The following TLE4 variants were observed in gnomAD, a reference collection of about 807,000 sequenced individuals.
The protein encoded by TLE4 is TLE family member 4, transcriptional corepressor.
In TLE4, 8 loss-of-function variants were observed where a neutral mutation model predicts 92.8. The ratio of observed to expected loss-of-function variants is 0.09; its 90% CI spans 0.05 to 0.16. The LOEUF (loss-of-function observed/expected upper bound fraction) is 0.16, where lower values mean the gene tolerates loss of function less well. TLE4 is among the 10% of genes least tolerant of loss of function. The probability of loss-of-function intolerance (pLI) is 1.00; values close to 1 mark genes in which losing one functional copy is unlikely to be tolerated. For missense variants in TLE4, 675 were observed against 997.6 expected, an observed-to-expected ratio of 0.68 and a Z score of 4.36; for synonymous variants, 371 against 374.1, an observed-to-expected ratio of 0.99 and a Z score of 0.10.
chr9:79,689,497 T>C (rs2066596586), intron 8 of TLE4, among the ~76,000 whole-genome samples: 1 of 152,188 alleles, frequency 6.6e-6, no homozygotes, highest in South Asian at 2.1e-4. Context: ...AGATTATTGT[T>C]TTAATTATGG....
intron 8 of TLE4, among the ~76,000 whole-genome samples, chr9:79,693,061 A>T (rs930745591): frequency 6.6e-6 from 1 of 151,856 alleles, no homozygotes; most frequent in South Asian, 2.1e-4. Flanking sequence ...TTCCCTTTAG[A>T]CTCTACTCTC....
rs183038028 is a variant in TLE4 at position 79,671,365 on chromosome 9, C to T, written c.609+17290C>T. ...TAGGAAAAGCTAATAACTACCCTGACGAGCTCAACGAGTGGCCCGAGGACT... is the reference window on the plus strand; with the variant it reads ...TAGGAAAAGCTAATAACTACCCTGATGAGCTCAACGAGTGGCCCGAGGACT... On this transcript the variant is annotated intron_variant, in intron 8 of 19. Coordinates refer to ENST00000376552, the MANE Select transcript of TLE4 (RefSeq NM_007005.6). The T allele has an allele frequency of 2.3e-3, 1,006 of 429,182 alleles. 12 individuals carry two copies. The highest frequency in any genetic ancestry group is 9.0e-3 in the South Asian group (565 of 62,894). The allele number at this position is 429,182 out of a possible 1,614,324, so 26.6% of individuals were successfully genotyped here. A position where few individuals can be genotyped will look rare whatever the true frequency, so the allele number is the denominator to read the frequency against.
intron 4 of TLE4, among the ~76,000 whole-genome samples, chr9:79,604,395 A>C (rs1350346003): frequency 6.6e-6 from 1 of 152,170 alleles, no homozygotes; most frequent in African/African-American, 2.4e-5. Context: ...TATCTCAGTA[A>C]ACAGGAAAAG....
At chr9:79,594,642 A>G (rs1305909008) in intron 4 of TLE4, among the ~76,000 whole-genome samples, 5 of 152,228 alleles carry the variant, frequency 3.3e-5, no homozygotes, top group African/African-American at 1.2e-4. Context: ...TTTGCTGTAG[A>G]GAAGAGGGTT....
Position 79,670,951 on chromosome 9 carries a change from A to G in TLE4, c.609+16876A>G. On this transcript the variant is annotated intron_variant, in intron 8 of 19. Transcript: ENST00000376552. ...GTTGTGTTTATTCTTTGGAGGGTTA[A>G]TATTTAAATTAACTTGCATTCCACA... 1.3e-5 allele frequency among the ~76,000 whole-genome samples: 2 copies of G among 152,070 alleles called. 1 individual carries two copies.
intron 14 of TLE4, among the ~76,000 whole-genome samples, chr9:79,712,676 T>A (rs2073618302): frequency 6.6e-6 from 1 of 152,254 alleles, no homozygotes; most frequent in African/African-American, 2.4e-5. Context: ...TAATTCACAT[T>A]GAATCCTCTT....
chr9:79,706,832 C>G lies in TLE4; in HGVS notation c.869C>G (p.Pro290Arg). Residue 290 changes from proline (P) to arginine (R), a missense_variant, in exon 11 of 20, where the codon CCG becomes CGG. This residue lies in a region of TLE4 where 280 missense variants were observed against 287.3 expected (regional missense o/e 0.97). Transcript: ENST00000376552. ...DKTRLLKKDA[P>R]ISPASIASSS... The stretch of plus-strand genomic sequence containing the variant: ...ACACGCCTGCTCAAGAAAGATGCCC[C>G]GATTAGTCCAGCCTCTATTGCATCT... 3.7e-6 allele frequency: 6 copies of G among 1,614,194 alleles called. No homozygotes were observed. The highest frequency in any genetic ancestry group is 5.1e-6 in the Non-Finnish European group (6 of 1,180,038).
At position 79,572,485 on chromosome 9, in the gene TLE4, G is replaced by C. The variant is rs1343630461; in HGVS notation, c.-306G>C. On this transcript the variant is annotated 5_prime_UTR_variant, in exon 1 of 20. Transcript: ENST00000376552. ...GGGTGAGCGGCGGCCGCGGCGCCGG[G>C]CTCGGCGGGTGCGCCTCGGCGGAGC... 6.5e-6 allele frequency: 1 copy of C among 153,652 alleles called. No homozygotes were observed. Among genetic ancestry groups the C allele is most frequent in the East Asian group, 1.9e-4 (1 of 5,192 alleles). 9.5% of individuals were successfully genotyped at this position (153,652 alleles called of 1,614,324 possible).
chr9:79,611,450 G>A (rs2048346915), intron 4 of TLE4, among the ~76,000 whole-genome samples: 1 of 152,046 alleles, frequency 6.6e-6, no homozygotes, highest in Non-Finnish European at 1.5e-5. Flanking sequence ...AGATTGCATA[G>A]CTACACAGTT....
intron 8 of TLE4, among the ~76,000 whole-genome samples, chr9:79,671,995 CTTTTTTTTTTTTTTTT>C (rs773064446): frequency 2.7e-4 from 9 of 33,694 alleles, no homozygotes; most frequent in Admixed American, 1.1e-3. Flanking sequence ...AAACAAAACA[CTTTTTTTTTTTTTTTT>C]TTTTTTTTTT....
chr9:79,676,050 C>G (rs1307214173), intron 8 of TLE4, among the ~76,000 whole-genome samples: 1 of 152,096 alleles, frequency 6.6e-6, no homozygotes, highest in African/African-American at 2.4e-5. Flanking sequence ...GATTAGATAA[C>G]AGGCATCACA....
chr9:79,703,392 A>G (rs1364158305), intron 8 of TLE4, among the ~76,000 whole-genome samples: 1 of 151,970 alleles, frequency 6.6e-6, no homozygotes, highest in Non-Finnish European at 1.5e-5. Flanking sequence ...CTCCCACCTC[A>G]CCTGCATTTA....
At chr9:79,609,133 A>T (rs1194262210) in intron 4 of TLE4, among the ~76,000 whole-genome samples, 3 of 152,064 alleles carry the variant, frequency 2.0e-5, no homozygotes. Context: ...CTTTCCCATG[A>T]TGTAAGATAG....
At chr9:79,693,231 T>G (rs2067452137) in intron 8 of TLE4, among the ~76,000 whole-genome samples, 2 of 152,118 alleles carry the variant, frequency 1.3e-5, no homozygotes, top group Admixed American at 1.3e-4. Flanking sequence ...ATTCTTCAGA[T>G]AGAGGAATAA....
intron 3 of TLE4, 102 bp downstream of exon 3, chr9:79,575,038 C>T: frequency 2.2e-6 from 2 of 920,292 alleles, no homozygotes; most frequent in South Asian, 2.8e-5. Flanking sequence ...ATCACAGTCA[C>T]CCTGCCAGTG....
At chr9:79,575,087 A>G in intron 3 of TLE4, 151 bp downstream of exon 3, 1 of 515,564 alleles carries the variant, frequency 1.9e-6, no homozygotes, top group Non-Finnish European at 3.6e-6. Flanking sequence ...AGCAACCTGT[A>G]ATTCTAGGCT....
chr9:79,668,938 A>G (rs767180280), intron 8 of TLE4: 27 of 610,988 alleles, frequency 4.4e-5, no homozygotes, highest in South Asian at 7.3e-5. Context: ...GGAATTATCA[A>G]TGCAGGTTAC....
intron 13 of TLE4, 136 bp from the exon 14 acceptor site, chr9:79,709,487 A>G: frequency 3.2e-6 from 2 of 623,438 alleles, no homozygotes. Flanking sequence ...TCACCAATAA[A>G]TACTTCTGTA....
chr9:79,667,805 G>C (rs2061648042), intron 8 of TLE4, among the ~76,000 whole-genome samples: 1 of 152,098 alleles, frequency 6.6e-6, no homozygotes, highest in Non-Finnish European at 1.5e-5. Context: ...GCCAGGCAAG[G>C]GTTAGGCCTA....
Sources: gnomAD v4.1 joint callset for allele counts (sites outside exome capture counted in the v4.1 genomes callset) on GRCh38, gnomAD v4.1.1 for gene constraint, gnomAD v4.1.1 regional missense constraint, MANE v1.5 for transcripts, NCBI Gene and HGNC (gene_info 2026-07-23, HGNC 2026-07-21) for gene names.